Variants in VSIG4 observed in about 807,000 individuals in gnomAD.
VSIG4 encodes the protein V-set and immunoglobulin domain-containing protein 4.
VSIG4 carries 34 observed loss-of-function variants against 23.4 expected under a neutral mutation model. The observed-to-expected ratio is 1.45, with a 90% confidence interval of 1.10 to 1.93. The LOEUF is 1.93. Among genes scored for constraint, VSIG4 ranks in the 30% most tolerant of loss-of-function variants. The pLI is 0.00. For missense variants in VSIG4, 433 were observed against 310.8 expected (o/e 1.39, Z -2.96); for synonymous variants, 169 against 120.3 (o/e 1.41, Z -2.65).
intron 1 of VSIG4, among the ~76,000 whole-genome samples, chrX:66,034,653 G>A (rs1246211994): frequency 9.2e-6 from 1 of 109,014 alleles, no homozygotes; most frequent in Non-Finnish European, 1.9e-5. Flanking sequence ...TCCATTTTTG[G>A]TCTAGAGAGG....
chrX:66,030,073 G>T (rs2085446915), intron 3 of VSIG4, among the ~76,000 whole-genome samples: 1 of 111,779 alleles, frequency 8.9e-6, no homozygotes, highest in Non-Finnish European at 1.9e-5. Context: ...TGTCTCAGAA[G>T]GATCATTCAG....
At chrX:66,027,674 A>G in intron 4 of VSIG4, 148 bp from the exon 5 acceptor site, 2 of 482,334 alleles carry the variant, frequency 4.1e-6, no homozygotes, top group African/African-American at 2.4e-5. Context: ...CACTAGTACC[A>G]TGAGATAAGG....
intron 1 of VSIG4, among the ~76,000 whole-genome samples, chrX:66,036,702 T>TTATAATTATATAATATATATATTA (rs1210774029): frequency 1.4e-4 from 8 of 56,860 alleles, no homozygotes; most frequent in Non-Finnish European, 2.0e-4. Context: ...TATTAATATA[T>TTATAATTATATAATATATATATTA]TATAATTATA....
intron 1 of VSIG4, 108 bp downstream of exon 1, chrX:66,039,836 A>T: frequency 1.1e-6 from 1 of 926,553 alleles, no homozygotes; most frequent in Non-Finnish European, 1.5e-6. Context: ...GGCTGAGAAG[A>T]CTCACCTGCC....
At chrX:66,024,807 T>C (rs1323287277) in intron 6 of VSIG4, among the ~76,000 whole-genome samples, 1 of 112,060 alleles carries the variant, frequency 8.9e-6, no homozygotes, top group Non-Finnish European at 1.9e-5. Context: ...AAGATGGCTG[T>C]ACTTCACTGA....
At chrX:66,036,083 G>A (rs1019280803) in intron 1 of VSIG4, among the ~76,000 whole-genome samples, 4 of 111,683 alleles carry the variant, frequency 3.6e-5, no homozygotes, top group Non-Finnish European at 3.8e-5. Context: ...GAATAGGACA[G>A]AGTTGGTAAC....
At chrX:66,029,783 GA>G (rs2085443127) in intron 3 of VSIG4, among the ~76,000 whole-genome samples, 1 of 111,062 alleles carries the variant, frequency 9.0e-6, no homozygotes, top group Non-Finnish European at 1.9e-5. Context: ...CAGGTTTGAG[GA>G]ACAGGTTTGG....
At chrX:66,023,186 C>T (rs2085352475) in intron 6 of VSIG4, among the ~76,000 whole-genome samples, 1 of 110,418 alleles carries the variant, frequency 9.1e-6, no homozygotes, top group Non-Finnish European at 1.9e-5. Flanking sequence ...AGGAATCTCC[C>T]CCAAGGATCC....
chrX:66,024,883 C>T (rs769634577), intron 6 of VSIG4, 142 bp downstream of exon 6: 6 of 395,343 alleles, frequency 1.5e-5, no homozygotes, highest in Non-Finnish European at 2.2e-5. Context: ...CATCTGCCTC[C>T]CTGCACCCCA....
chrX:66,024,996 A>G, intron 6 of VSIG4, 29 bp downstream of exon 6: 1 of 1,092,324 alleles, frequency 9.2e-7, no homozygotes, highest in Non-Finnish European at 1.2e-6. Flanking sequence ...CAAATGAGCC[A>G]AAGCCACCTT....
intron 1 of VSIG4, among the ~76,000 whole-genome samples, chrX:66,037,957 C>A (rs1005742599): frequency 6.4e-5 from 7 of 108,640 alleles, no homozygotes. Context: ...CTTTCTGAAT[C>A]CCCTTCCTCC....
chrX:66,028,225 C>T, intron 3 of VSIG4, 113 bp from the exon 4 acceptor site: 4 of 586,278 alleles, frequency 6.8e-6, no homozygotes, highest in Non-Finnish European at 1.2e-5. Context: ...CTTGGACCTG[C>T]CTCAACACTT....
intron 5 of VSIG4, 103 bp downstream of exon 5, chrX:66,027,346 A>T: frequency 1.4e-6 from 1 of 709,071 alleles, no homozygotes; most frequent in Non-Finnish European, 2.2e-6. Flanking sequence ...GCAGGTAATG[A>T]TTTGCAGATT....
At position 66,022,186 on chromosome X, in the gene VSIG4, G is replaced by A. The variant is rs763151851; in HGVS notation, c.*77C>T. The stretch of plus-strand genomic sequence containing the variant: ...TTTGGGCTATCCAGGAAGAGAGGTA[G>A]CAGGGAAGAAGGCCATGCAGAAGGC... On this transcript the variant is annotated 3_prime_UTR_variant, in exon 8 of 8. Transcript: ENST00000374737. 3.1e-5 allele frequency: 37 copies of A among 1,209,055 alleles called. No individual in the cohort carries two copies. In the South Asian group the frequency reaches 6.0e-4, roughly 20 times the overall value.
At chrX:66,039,841 C>G in intron 1 of VSIG4, 103 bp downstream of exon 1, 2 of 988,373 alleles carry the variant, frequency 2.0e-6, no homozygotes, top group Admixed American at 2.6e-5. Flanking sequence ...AGAAGACTCA[C>G]CTGCCCAGTA....
At position 66,022,317 on chromosome X, in the gene VSIG4, G is replaced by T; in HGVS notation, c.1146C>A (p.Asp382Glu). 1 of 1,212,314 alleles carries T rather than the reference G, an allele frequency of 8.2e-7. No homozygotes were observed. Among genetic ancestry groups the T allele is most frequent in the South Asian group, 1.8e-5 (1 of 57,048 alleles). Residue 382 changes from aspartate to glutamate, a missense_variant, in exon 8 of 8, where the codon GAC becomes GAA. By Grantham distance (45) the Asp-to-Glu change is conservative. Coordinates refer to ENST00000374737, the MANE Select transcript of VSIG4 (RefSeq NM_007268.3). ...QINGNYARLL[D>E]TVPLDYEFLA... The stretch of plus-strand genomic sequence containing the variant: ...GAAACTCATAATCCAGAGGAACTGT[G>T]TCCAGCAGGCGGGCGTAGTTGCCAT...
intron 7 of VSIG4, 32 bp from the exon 8 acceptor site, chrX:66,022,532 G>A: frequency 8.3e-7 from 1 of 1,203,027 alleles, no homozygotes; most frequent in Non-Finnish European, 1.1e-6. Flanking sequence ...CCCATAAGAA[G>A]GGACTTGGGG....
intron 4 of VSIG4, 88 bp downstream of exon 4, chrX:66,027,962 G>T: frequency 1.1e-6 from 1 of 869,631 alleles, no homozygotes; most frequent in Non-Finnish European, 1.7e-6. Context: ...CTGTTTATTA[G>T]CCATTCCATG....
chrX:66,027,678 G>C (rs967908823), intron 4 of VSIG4, 152 bp from the exon 5 acceptor site: 1 of 475,899 alleles, frequency 2.1e-6, no homozygotes, highest in Non-Finnish European at 3.7e-6. Context: ...AGTACCATGA[G>C]ATAAGGCATC....
Sources: gnomAD v4.1 joint callset for allele counts (sites outside exome capture counted in the v4.1 genomes callset) on GRCh38, gnomAD v4.1.1 for gene constraint, MANE v1.5 for transcripts, NCBI Gene and HGNC (gene_info 2026-07-23, HGNC 2026-07-21) for gene names.